Variants in SEPTIN7 observed in about 807,000 individuals in gnomAD.
SEPTIN7 encodes the protein septin-7.
SEPTIN7 carries 10 observed loss-of-function variants against 63.3 expected under a neutral mutation model. The ratio of observed to expected loss-of-function variants is 0.16; its 90% CI spans 0.10 to 0.27. The LOEUF (loss-of-function observed/expected upper bound fraction) is 0.27. Among genes scored for constraint, SEPTIN7 ranks in the 10% least tolerant of loss-of-function variants. SEPTIN7 has a pLI of 1.00. For synonymous variants in SEPTIN7, 131 were observed against 165.3 expected, an observed-to-expected ratio of 0.79 and a Z score of 1.59; for missense variants, 310 against 521.0, an observed-to-expected ratio of 0.59 and a Z score of 3.94.
intron 1 of SEPTIN7, among the ~76,000 whole-genome samples, chr7:35,819,017 A>T (rs1048057982): frequency 6.6e-6 from 1 of 151,726 alleles, no homozygotes; most frequent in African/African-American, 2.4e-5. Flanking sequence ...GGTTTAGTTT[A>T]TTCTTTTTCT....
rs61185918 is a variant in SEPTIN7 at position 35,817,317 on chromosome 7, T to C, written c.62-14175T>C. Among the ~76,000 whole-genome samples, 1,452 of 152,212 alleles carry C rather than the reference T, an allele frequency of 9.5e-3. 20 individuals are homozygous for C. Among genetic ancestry groups the C allele is most frequent in the African/African-American group, 0.033 (1,359 of 41,558 alleles). On this transcript the variant is annotated intron_variant, in intron 1 of 13. Transcript: ENST00000350320. Reference sequence around the variant, plus strand: ...GTTGAAAAGACTAGTCTTTTTCCATTGTGTGGTCTTGACAACTTCTGTGAA... The same window carrying C: ...GTTGAAAAGACTAGTCTTTTTCCATCGTGTGGTCTTGACAACTTCTGTGAA...
At chr7:35,819,765 T>C (rs148475081) in intron 1 of SEPTIN7, among the ~76,000 whole-genome samples, 31 of 152,290 alleles carry the variant, frequency 2.0e-4, no homozygotes, top group African/African-American at 7.5e-4. Context: ...TCTCTTGTTT[T>C]CTGTCCTTTT....
intron 1 of SEPTIN7, among the ~76,000 whole-genome samples, chr7:35,805,492 A>G (rs1362989043): frequency 2.0e-5 from 3 of 152,220 alleles, no homozygotes; most frequent in Non-Finnish European, 4.4e-5. Context: ...TCTGACATAA[A>G]CTGATAATTC....
At chr7:35,806,803 C>G (rs900004907) in intron 1 of SEPTIN7, among the ~76,000 whole-genome samples, 6 of 152,134 alleles carry the variant, frequency 3.9e-5, no homozygotes, top group African/African-American at 1.4e-4. Context: ...TTTCTAAAGT[C>G]TCCCCATCCC....
At chr7:35,900,521 A>G (rs1314354047) in intron 12 of SEPTIN7, 1 of 152,246 alleles carries the variant, frequency 6.6e-6, no homozygotes, top group African/African-American at 2.4e-5. Flanking sequence ...TGTTGTAAAT[A>G]TATGCATTGA....
At chr7:35,801,362 T>TGAGGCGAGGCG in intron 1 of SEPTIN7, 92 bp downstream of exon 1, 1 of 1,424,810 alleles carries the variant, frequency 7.0e-7, no homozygotes, top group Non-Finnish European at 9.3e-7. Context: ...GGGAACGCCC[T>TGAGGCGAGGCG]GAGGCGAGGC....
At chr7:35,889,172 A>G (rs1787480637) in intron 10 of SEPTIN7, among the ~76,000 whole-genome samples, 1 of 152,244 alleles carries the variant, frequency 6.6e-6, no homozygotes. Flanking sequence ...TTTCCAAAGC[A>G]ATTAAGTCTT....
chr7:35,805,137 C>A (rs1432908505), intron 1 of SEPTIN7, among the ~76,000 whole-genome samples: 1 of 152,198 alleles, frequency 6.6e-6, no homozygotes, highest in Non-Finnish European at 1.5e-5. Context: ...CTGCCTCGGC[C>A]TCCCAAAGTG....
In SEPTIN7 at chr7:35,832,846, C is replaced by G; in HGVS notation, c.115C>G (p.Gln39Glu). 6.2e-7 allele frequency: 1 copy of G among 1,611,910 alleles called. No individual in the cohort carries two copies. Among genetic ancestry groups the G allele is most frequent in the Non-Finnish European group, 8.5e-7 (1 of 1,178,246 alleles). The change falls in exon 3 of 14, where the codon CAA becomes GAA. Residue 39 changes from glutamine to glutamate, a missense_variant. Physicochemically the swap from Gln to Glu is conservative, Grantham distance 29. Around this residue, in one of 2 missense-constraint regions of SEPTIN7, gnomAD observed 255 missense variants for 490.5 expected, o/e 0.52. Transcript: ENST00000350320. ...TGTGGGATTTGCCAATCTCCCAAATCAAGTATACAGAAAATCGGTGAAGAG... is the reference window on the plus strand; with the variant it reads ...TGTGGGATTTGCCAATCTCCCAAATGAAGTATACAGAAAATCGGTGAAGAG... ...GYVGFANLPN[Q>E]VYRKSVKRGF...
the SEPTIN7 span, among the ~76,000 whole-genome samples, chr7:35,913,600 C>CTTAT: frequency 7.0e-6 from 1 of 143,342 alleles, no homozygotes; most frequent in Non-Finnish European, 1.5e-5. Context: ...TCCTTCCTTC[C>CTTAT]TTCTTTCCTT....
At chr7:35,907,277 CTAA>C (rs1788647216), downstream of SEPTIN7, among the ~76,000 whole-genome samples, 1 of 152,150 alleles carries the variant, frequency 6.6e-6, no homozygotes, top group African/African-American at 2.4e-5. Flanking sequence ...GAAGTCCTTT[CTAA>C]TAATAAGCTT....
chr7:35,823,861 CT>C (rs567513786), intron 1 of SEPTIN7, among the ~76,000 whole-genome samples: 5 of 151,482 alleles, frequency 3.3e-5, no homozygotes, highest in Admixed American at 6.6e-5. Flanking sequence ...CTTCTCTTCT[CT>C]TTTTTTTTGG....
intron 7 of SEPTIN7, among the ~76,000 whole-genome samples, chr7:35,882,282 T>C (rs371777769): frequency 6.6e-6 from 1 of 151,032 alleles, no homozygotes; most frequent in South Asian, 2.1e-4. Flanking sequence ...GATTTGGTGT[T>C]TATATATCAA....
chr7:35,885,522 A>G (rs1489821874), intron 9 of SEPTIN7, among the ~76,000 whole-genome samples: 4 of 152,300 alleles, frequency 2.6e-5, no homozygotes, highest in Non-Finnish European at 5.9e-5. Flanking sequence ...TGTATTATAG[A>G]ATAAATATAT....
chr7:35,805,838 T>C (rs1788297261), intron 1 of SEPTIN7, among the ~76,000 whole-genome samples: 1 of 152,250 alleles, frequency 6.6e-6, no homozygotes, highest in African/African-American at 2.4e-5. Context: ...AAATGGACTT[T>C]CCTGAAGTTG....
Position 35,906,138 on chromosome 7 carries a change from T to G in SEPTIN7, c.*1845T>G, listed in dbSNP as rs1788598435. 2.0e-5 allele frequency: 3 copies of G among 152,184 alleles called. No individual in the cohort carries two copies. The South Asian group carries it at 6.2e-4, about 31-fold the overall frequency. The allele number at this position is 152,184 out of a possible 1,614,324, so 9.4% of individuals were successfully genotyped here. The stretch of plus-strand genomic sequence containing the variant: ...ATTTGGAAAATGCAAAGGTAAAAAA[T>G]GTATATAGACTGCCTGCTGAACTGG... On this transcript the variant is annotated 3_prime_UTR_variant, in exon 14 of 14. Coordinates refer to ENST00000350320, the MANE Select transcript of SEPTIN7 (RefSeq NM_001788.6).
chr7:35,831,595 T>C, intron 2 of SEPTIN7, 99 bp downstream of exon 2: 1 of 334,842 alleles, frequency 3.0e-6, no homozygotes, highest in Non-Finnish European at 5.7e-6. Context: ...ACCTTAGGTT[T>C]AATGCATATT....
At chr7:35,803,072 C>A in intron 1 of SEPTIN7, 1 of 635,980 alleles carries the variant, frequency 1.6e-6, no homozygotes, top group Non-Finnish European at 2.0e-6. Context: ...CAACAAATAA[C>A]AGAAATGTTA....
chr7:35,852,570 T>C (rs1785012909), intron 3 of SEPTIN7, among the ~76,000 whole-genome samples: 1 of 152,212 alleles, frequency 6.6e-6, no homozygotes, highest in African/African-American at 2.4e-5. Flanking sequence ...TGTCAGGTGC[T>C]ATATTTTACT....
Sources: allele counts gnomAD v4.1 joint callset (sites outside exome capture counted in the v4.1 genomes callset), GRCh38; gene constraint gnomAD v4.1.1; regional missense constraint gnomAD v4.1.1; transcripts MANE v1.5; gene names NCBI Gene and HGNC (gene_info 2026-07-23, HGNC 2026-07-21).